PDSS2: variants seen among roughly 807,000 people sequenced by gnomAD.
The protein encoded by PDSS2 is all trans-polyprenyl-diphosphate synthase PDSS2.
Under a neutral mutation model 44.5 loss-of-function variants are expected in PDSS2, and 31 were observed. The observed-to-expected ratio is 0.70, with a 90% confidence interval of 0.52 to 0.94. The LOEUF is 0.94. Among genes scored for constraint, PDSS2 ranks in the 40% least tolerant of loss-of-function variants. The pLI is 0.00. For synonymous variants in PDSS2, 157 were observed against 180.3 expected, an observed-to-expected ratio of 0.87 and a Z score of 1.03; for missense variants, 452 against 482.2, an observed-to-expected ratio of 0.94 and a Z score of 0.59.
chr6:107,207,222 G>A (rs1258060558), intron 6 of PDSS2, among the ~76,000 whole-genome samples: 1 of 152,004 alleles, frequency 6.6e-6, no homozygotes, highest in Non-Finnish European at 1.5e-5. Context: ...TCGATTTCCT[G>A]ACCTCGTGAT....
intron 1 of PDSS2, among the ~76,000 whole-genome samples, chr6:107,363,725 A>G (rs1045745486): frequency 1.3e-5 from 2 of 152,160 alleles, no homozygotes; most frequent in African/African-American, 2.4e-5. Context: ...CCCCACCCAC[A>G]TCCTGCTGAT....
chr6:107,208,916 A>T (rs898701076), intron 6 of PDSS2, among the ~76,000 whole-genome samples: 2 of 150,410 alleles, frequency 1.3e-5, no homozygotes, highest in Middle Eastern at 3.4e-3. Context: ...TAGTTTTCTT[A>T]TTTTTTTTCT....
intron 2 of PDSS2, among the ~76,000 whole-genome samples, chr6:107,312,101 A>G (rs893454317): frequency 1.3e-5 from 2 of 152,234 alleles, no homozygotes; most frequent in African/African-American, 4.8e-5. Flanking sequence ...CAGAGGAAAT[A>G]GCACAGTGCA....
In PDSS2 at chr6:107,431,181, C is replaced by T. The variant is rs199648102; in HGVS notation, c.296+27809G>A. ...GACTGATGTCTGGGCTAAAGCCAGA[C>T]CTCTTTGGAAGACACAGCTTCTAAA... On this transcript the variant is annotated intron_variant, in intron 1 of 7. Coordinates refer to ENST00000369037, the MANE Select transcript of PDSS2 (RefSeq NM_020381.4). 2.0e-5 allele frequency among the ~76,000 whole-genome samples: 3 copies of T among 152,310 alleles called. No individual in the cohort carries two copies. In the East Asian group the frequency reaches 5.8e-4, roughly 29 times the overall value.
intron 3 of PDSS2, among the ~76,000 whole-genome samples, chr6:107,268,257 T>C (rs1775475363): frequency 6.6e-6 from 1 of 152,190 alleles, no homozygotes; most frequent in Non-Finnish European, 1.5e-5. Context: ...GAAATGTCTT[T>C]AAAGTGTGAA....
chr6:107,457,984 T>C (rs1450112481), intron 1 of PDSS2, among the ~76,000 whole-genome samples: 2 of 152,074 alleles, frequency 1.3e-5, no homozygotes, highest in South Asian at 2.1e-4. Flanking sequence ...GAAAAAAATA[T>C]ATAGAAAGAT....
intron 1 of PDSS2, among the ~76,000 whole-genome samples, chr6:107,441,186 G>A (rs967962036): frequency 6.6e-6 from 1 of 152,160 alleles, no homozygotes; most frequent in African/African-American, 2.4e-5. Context: ...ACTCAAAGCA[G>A]CAAGATAAAA....
intron 1 of PDSS2, among the ~76,000 whole-genome samples, chr6:107,378,984 C>G (rs1779376031): frequency 6.6e-6 from 1 of 152,152 alleles, no homozygotes; most frequent in African/African-American, 2.4e-5. Context: ...CAAGTTTCTT[C>G]ACCGTAAAGT....
At chr6:107,204,460 T>C (rs1002862182) in intron 6 of PDSS2, among the ~76,000 whole-genome samples, 4 of 152,216 alleles carry the variant, frequency 2.6e-5, no homozygotes, top group African/African-American at 7.2e-5. Flanking sequence ...CTTTTAAATA[T>C]AGTTATTACT....
chr6:107,252,467 AAG>A (rs1278119941), intron 3 of PDSS2, among the ~76,000 whole-genome samples: 11 of 152,164 alleles, frequency 7.2e-5, no homozygotes, highest in African/African-American at 2.7e-4. Flanking sequence ...GGGGGTAGCG[AAG>A]AGAGAGAAAT....
At chr6:107,262,601 C>T (rs1484749876) in intron 3 of PDSS2, among the ~76,000 whole-genome samples, 3 of 151,972 alleles carry the variant, frequency 2.0e-5, no homozygotes, top group African/African-American at 2.4e-5. Flanking sequence ...TGAAACCCCA[C>T]CTCTATTAAA....
chr6:107,434,127 G>A (rs1405531280), intron 1 of PDSS2, among the ~76,000 whole-genome samples: 1 of 152,180 alleles, frequency 6.6e-6, no homozygotes, highest in Non-Finnish European at 1.5e-5. Context: ...AGGGTATAGT[G>A]AAAAGAGGAC....
At chr6:107,198,285 A>G (rs1485624426) in intron 6 of PDSS2, among the ~76,000 whole-genome samples, 1 of 152,208 alleles carries the variant, frequency 6.6e-6, no homozygotes, top group African/African-American at 2.4e-5. Context: ...GATATAATCT[A>G]GATCTGCTCA....
At chr6:107,292,224 T>TAAA (rs5878911) in intron 2 of PDSS2, among the ~76,000 whole-genome samples, 2 of 142,466 alleles carry the variant, frequency 1.4e-5, no homozygotes, top group Non-Finnish European at 3.1e-5. Context: ...GTACTTCAAT[T>TAAA]AAAAAAAAAA....
intron 1 of PDSS2, among the ~76,000 whole-genome samples, chr6:107,395,364 T>C (rs1779909164): frequency 6.6e-6 from 1 of 152,130 alleles, no homozygotes; most frequent in South Asian, 2.1e-4. Context: ...TGAAACATTA[T>C]TACTTTATTT....
At chr6:107,405,468 A>G (rs1382911111) in intron 1 of PDSS2, among the ~76,000 whole-genome samples, 1 of 152,110 alleles carries the variant, frequency 6.6e-6, no homozygotes, top group Non-Finnish European at 1.5e-5. Context: ...CTACAAAGCA[A>G]CTAGATAACA....
intron 3 of PDSS2, among the ~76,000 whole-genome samples, chr6:107,258,321 T>A (rs1327828783): frequency 6.6e-6 from 1 of 152,166 alleles, no homozygotes; most frequent in Non-Finnish European, 1.5e-5. Context: ...TTTCTTCATG[T>A]GTCATGCCAT....
chr6:107,320,768 GA>G (rs1214366141), intron 2 of PDSS2, among the ~76,000 whole-genome samples: 3 of 152,078 alleles, frequency 2.0e-5, no homozygotes, highest in African/African-American at 7.2e-5. Context: ...ATAATACATG[GA>G]GCACTTGAGT....
At chr6:107,158,879 C>T (rs1554246207) in intron 7 of PDSS2, among the ~76,000 whole-genome samples, 1 of 152,088 alleles carries the variant, frequency 6.6e-6, no homozygotes, top group African/African-American at 2.4e-5. Flanking sequence ...CAGGTGCCCA[C>T]CGCCACACCC....
Sources: gnomAD v4.1 joint callset for allele counts (sites outside exome capture counted in the v4.1 genomes callset) on GRCh38, gnomAD v4.1.1 for gene constraint, MANE v1.5 for transcripts, NCBI Gene and HGNC (gene_info 2026-07-23, HGNC 2026-07-21) for gene names.